MTMR8: variants seen among roughly 807,000 people sequenced by gnomAD.
MTMR8 encodes myotubularin related protein 8, also known as phosphatidylinositol-3,5-bisphosphate 3-phosphatase MTMR8.
Under a neutral mutation model 39.3 loss-of-function variants are expected in MTMR8, and 65 were observed. The ratio of observed to expected loss-of-function variants is 1.65; its 90% CI spans 1.35 to 2.03. MTMR8 has a LOEUF of 2.03. MTMR8 is among the 30% of genes most tolerant of loss of function. MTMR8 has a pLI of 0.00. For synonymous variants in MTMR8, 245 were observed against 185.2 expected, an observed-to-expected ratio of 1.32 and a Z score of -2.62; for missense variants, 777 against 538.9, an observed-to-expected ratio of 1.44 and a Z score of -4.37.
intron 12 of MTMR8, among the ~76,000 whole-genome samples, chrX:64,284,179 A>G (rs1279424618): frequency 1.8e-5 from 2 of 112,470 alleles, no homozygotes; most frequent in Non-Finnish European, 3.8e-5. Context: ...TGACGTACGC[A>G]CAAGCTTCAG....
chrX:64,283,189 G>A (rs991051557), intron 12 of MTMR8, among the ~76,000 whole-genome samples: 1 of 112,143 alleles, frequency 8.9e-6, no homozygotes, highest in Non-Finnish European at 1.9e-5. Context: ...CCGGCACCTG[G>A]CTCAGAGGGT....
chrX:64,318,767 G>C (rs778675939), intron 12 of MTMR8, among the ~76,000 whole-genome samples: 15 of 103,822 alleles, frequency 1.4e-4, no homozygotes, highest in African/African-American at 3.6e-4. Context: ...GAGTACAGTG[G>C]TGCAATCTTG....
intron 1 of MTMR8, among the ~76,000 whole-genome samples, chrX:64,394,477 A>C: frequency 8.9e-6 from 1 of 111,991 alleles, no homozygotes; most frequent in East Asian, 2.8e-4. Context: ...ATTTTTTACC[A>C]GGACTTCAAT....
chrX:64,268,485 G>A lies in MTMR8; in HGVS notation c.*52C>T, dbSNP rs1340552332. The A allele has an allele frequency of 8.7e-7, 1 of 1,152,304 alleles. No homozygotes were observed. Among genetic ancestry groups the A allele is most frequent in the East Asian group, 3.0e-5 (1 of 33,378 alleles). The allele number at this position is 1,152,304 out of a possible 1,213,427, so 95.0% of individuals were successfully genotyped here. A position where few individuals can be genotyped will look rare whatever the true frequency, so the allele number is the denominator to read the frequency against. On this transcript the variant is annotated 3_prime_UTR_variant, in exon 14 of 14. Coordinates refer to ENST00000374852, the MANE Select transcript of MTMR8 (RefSeq NM_017677.4). ...AGCAGCATAGCCCTCTCTGGGACAA[G>A]AATCATTGTAGCTGCTGTAGGTATA... is the stretch of plus-strand genomic sequence containing the variant.
chrX:64,339,655 A>G (rs773280796), intron 8 of MTMR8, among the ~76,000 whole-genome samples: 86 of 111,369 alleles, frequency 7.7e-4, no homozygotes, highest in Admixed American at 2.2e-3. Flanking sequence ...AAGCCAGTTG[A>G]AAAGAATAGG....
chrX:64,284,454 A>G (rs1238465613), intron 12 of MTMR8, among the ~76,000 whole-genome samples: 3 of 111,816 alleles, frequency 2.7e-5, no homozygotes. Flanking sequence ...CCAACATTCA[A>G]ATTCTGGAAA....
chrX:64,364,050 T>C (rs1318294018), intron 1 of MTMR8, among the ~76,000 whole-genome samples: 1 of 112,325 alleles, frequency 8.9e-6, no homozygotes. Context: ...GTGTCCACCA[T>C]TGCTGAGGCT....
At chrX:64,306,926 AC>A (rs1488129013) in intron 12 of MTMR8, among the ~76,000 whole-genome samples, 1 of 110,433 alleles carries the variant, frequency 9.1e-6, no homozygotes, top group Admixed American at 9.7e-5. Flanking sequence ...CCCTTCCTCA[AC>A]CCCAGCATGA....
rs144711381 is a variant in MTMR8 at position 64,294,256 on chromosome X, G to C, written c.1482-23183C>G. Among the ~76,000 whole-genome samples the C allele has an allele frequency of 2.4e-4, 27 of 111,715 alleles. No individual in the cohort carries two copies. In the East Asian group the frequency reaches 5.6e-3, roughly 23 times the overall value. ...CAAAACAACATAGATAAATGGCATG[G>C]AGTTATAGACTTGCCTAACATGCTC... On this transcript the variant is annotated intron_variant, in intron 12 of 13. Transcript: ENST00000374852.
At chrX:64,343,918 A>G (rs1028818938) in intron 7 of MTMR8, among the ~76,000 whole-genome samples, 198 bp from the exon 8 acceptor site, 1 of 111,594 alleles carries the variant, frequency 9.0e-6, no homozygotes. Flanking sequence ...CCTCTGCTTT[A>G]TCATGCTGTA....
chrX:64,288,079 G>T (rs962361892), intron 12 of MTMR8, among the ~76,000 whole-genome samples: 1 of 64,304 alleles, frequency 1.6e-5, no homozygotes, highest in Non-Finnish European at 3.0e-5. Context: ...GAAACCTACA[G>T]AATGGGAGAA....
intron 12 of MTMR8, among the ~76,000 whole-genome samples, chrX:64,288,092 T>A (rs1209013685): frequency 3.5e-5 from 3 of 85,670 alleles, no homozygotes; most frequent in African/African-American, 8.9e-5. Flanking sequence ...TGGGAGAAAA[T>A]TTTTGCAATC....
At position 64,268,981 on chromosome X, in the gene MTMR8, T is replaced by G; in HGVS notation, c.1671A>C (p.Ile557=). ...EICTCSQLGN[I]LSQHLGSPLT... ...AAGGACTTCCCAGATGCTGGGATAA[T>G]ATGTTTCCTAATTGAGAGCAGGTAC... The change falls in exon 14 of 14, where the codon ATA becomes ATC. Residue 557 remains isoleucine, a synonymous_variant. Transcript: ENST00000374852. The G allele has an allele frequency of 8.3e-7, 1 of 1,211,506 alleles. No individual in the cohort carries two copies. Among genetic ancestry groups the G allele is most frequent in the Non-Finnish European group, 1.1e-6 (1 of 895,206 alleles).
chrX:64,323,369 G>A (rs937784708), intron 12 of MTMR8, among the ~76,000 whole-genome samples: 4 of 111,905 alleles, frequency 3.6e-5, no homozygotes, highest in African/African-American at 3.3e-5. Flanking sequence ...AAGATGATAC[G>A]AAAAATTTTA....
intron 2 of MTMR8, among the ~76,000 whole-genome samples, chrX:64,356,724 A>G (rs957191408): frequency 9.0e-6 from 1 of 111,347 alleles, no homozygotes; most frequent in Non-Finnish European, 1.9e-5. Context: ...TAATTAAGAT[A>G]ATTATTAATA....
chrX:64,368,059 G>A (rs1228115394), intron 1 of MTMR8, among the ~76,000 whole-genome samples: 2 of 111,556 alleles, frequency 1.8e-5, no homozygotes, highest in African/African-American at 3.3e-5. Context: ...GGGATGTGAA[G>A]GACCTCTTCA....
intron 1 of MTMR8, among the ~76,000 whole-genome samples, chrX:64,366,201 A>T (rs1030195599): frequency 9.0e-6 from 1 of 111,620 alleles, no homozygotes; most frequent in African/African-American, 3.3e-5. Context: ...GATCAACGAG[A>T]CAGAAGGTTA....
At chrX:64,322,629 C>T (rs1922682486) in intron 12 of MTMR8, among the ~76,000 whole-genome samples, 1 of 112,129 alleles carries the variant, frequency 8.9e-6, no homozygotes, top group South Asian at 3.7e-4. Context: ...CTATACAGTG[C>T]CATCTTGAAA....
At chrX:64,391,058 A>G (rs1450181147) in intron 1 of MTMR8, among the ~76,000 whole-genome samples, 1 of 112,210 alleles carries the variant, frequency 8.9e-6, no homozygotes, top group Non-Finnish European at 1.9e-5. Flanking sequence ...CATCATTCCA[A>G]AAAGAAACTT....
Sources: gnomAD v4.1 joint callset for allele counts (sites outside exome capture counted in the v4.1 genomes callset) on GRCh38, gnomAD v4.1.1 for gene constraint, MANE v1.5 for transcripts, NCBI Gene and HGNC (gene_info 2026-07-23, HGNC 2026-07-21) for gene names.